The following ATP8B4 variants were observed in gnomAD, a reference collection of about 807,000 sequenced individuals.
ATP8B4 encodes ATPase phospholipid transporting 8B4 (putative), also known as probable phospholipid-transporting ATPase IM.
Under a neutral mutation model 145.6 loss-of-function variants are expected in ATP8B4, and 133 were observed. The ratio of observed to expected loss-of-function variants is 0.91; its 90% CI spans 0.79 to 1.05. ATP8B4 has a LOEUF of 1.05. ATP8B4 is among the 50% of genes least tolerant of loss of function. ATP8B4 has a pLI of 0.00. For synonymous variants in ATP8B4, 507 were observed against 492.9 expected (o/e 1.03, Z -0.38); for missense variants, 1,458 against 1,425.2 (o/e 1.02, Z -0.37).
intron 21 of ATP8B4, 54 bp downstream of exon 21, chr15:49,901,038 A>G: frequency 6.3e-7 from 1 of 1,578,270 alleles, no homozygotes; most frequent in Non-Finnish European, 8.7e-7. Flanking sequence ...AGCACAAAAG[A>G]GATGATTATT....
chr15:50,040,011 T>G (rs1163476029), intron 5 of ATP8B4, among the ~76,000 whole-genome samples: 1 of 152,174 alleles, frequency 6.6e-6, no homozygotes, highest in African/African-American at 2.4e-5. Context: ...TTCCTACGAG[T>G]AGAACAACAG....
intron 5 of ATP8B4, among the ~76,000 whole-genome samples, chr15:50,039,402 T>C (rs566541601): frequency 2.5e-4 from 37 of 149,086 alleles, no homozygotes; most frequent in African/African-American, 9.1e-4. Context: ...TATGTCCAAA[T>C]GGTTGTATTT....
At chr15:50,031,764 C>CATA (rs1281096862) in intron 6 of ATP8B4, among the ~76,000 whole-genome samples, 2 of 152,072 alleles carry the variant, frequency 1.3e-5, no homozygotes, top group East Asian at 3.9e-4. Context: ...ATCTCTTGAC[C>CATA]ATAGGTCTAC....
At chr15:50,116,632 G>C (rs1250673320) in intron 1 of ATP8B4, among the ~76,000 whole-genome samples, 1 of 152,188 alleles carries the variant, frequency 6.6e-6, no homozygotes, top group Admixed American at 6.5e-5. Context: ...GGAAAGGACA[G>C]AGGACGAGGA....
At chr15:50,082,059 C>A (rs2054591138) in intron 2 of ATP8B4, among the ~76,000 whole-genome samples, 1 of 152,184 alleles carries the variant, frequency 6.6e-6, no homozygotes, top group Non-Finnish European at 1.5e-5. Flanking sequence ...TCAGAAATCT[C>A]TGAAAAATTT....
chr15:50,011,579 A>G (rs1469150882), intron 6 of ATP8B4, among the ~76,000 whole-genome samples: 1 of 152,148 alleles, frequency 6.6e-6, no homozygotes, highest in African/African-American at 2.4e-5. Context: ...TGGAGCCCCA[A>G]GACCACCCTC....
At chr15:50,038,939 G>A in intron 5 of ATP8B4, 110 bp from the exon 6 acceptor site, 1 of 911,900 alleles carries the variant, frequency 1.1e-6, no homozygotes, top group South Asian at 1.5e-5. Context: ...GTTGTCACTG[G>A]TCTAAGATGA....
intron 25 of ATP8B4, among the ~76,000 whole-genome samples, chr15:49,867,335 C>T (rs1448387770): frequency 6.6e-6 from 1 of 152,204 alleles, no homozygotes; most frequent in African/African-American, 2.4e-5. Flanking sequence ...AAATAGATCC[C>T]TCTCAACATG....
At chr15:49,881,036 CG>C (rs1566921995) in intron 23 of ATP8B4, among the ~76,000 whole-genome samples, 1 of 152,082 alleles carries the variant, frequency 6.6e-6, no homozygotes, top group East Asian at 1.9e-4. Context: ...GGCATGAACC[CG>C]AGAGGCTGAG....
chr15:49,917,952 C>T (rs1207790376), intron 19 of ATP8B4, among the ~76,000 whole-genome samples: 1 of 152,154 alleles, frequency 6.6e-6, no homozygotes, highest in African/African-American at 2.4e-5. Flanking sequence ...CCGGAGTGCT[C>T]AACTTTCTAC....
chr15:50,108,178 CA>C (rs2056774050), intron 1 of ATP8B4, among the ~76,000 whole-genome samples: 1 of 152,012 alleles, frequency 6.6e-6, no homozygotes, highest in South Asian at 2.1e-4. Flanking sequence ...CAAGGCTGCC[CA>C]AGACCATCCC....
At chr15:49,892,136 A>G (rs1212760462) in intron 23 of ATP8B4, among the ~76,000 whole-genome samples, 10 of 152,042 alleles carry the variant, frequency 6.6e-5, no homozygotes, top group Admixed American at 6.6e-4. Flanking sequence ...AAAAATCTTA[A>G]AAGTCTATAG....
intron 22 of ATP8B4, 96 bp from the exon 23 acceptor site, chr15:49,897,611 C>A (rs2037549523): frequency 4.9e-6 from 5 of 1,029,340 alleles, no homozygotes; most frequent in African/African-American, 1.6e-5. Flanking sequence ...AAACTTACAG[C>A]CATTGCAATT....
chr15:49,961,429 G>C (rs552923191), intron 14 of ATP8B4, among the ~76,000 whole-genome samples: 1 of 152,086 alleles, frequency 6.6e-6, no homozygotes, highest in Non-Finnish European at 1.5e-5. Context: ...TTTTGATTTA[G>C]CAATTCTATT....
chr15:49,917,091 T>C (rs761786421), intron 19 of ATP8B4, 52 bp from the exon 20 acceptor site: 33 of 1,562,728 alleles, frequency 2.1e-5, no homozygotes, highest in Non-Finnish European at 2.7e-5. Context: ...ATAACCTAAG[T>C]CCATTTTTAA....
At chr15:50,051,395 A>G (rs894731036) in intron 3 of ATP8B4, among the ~76,000 whole-genome samples, 3 of 152,218 alleles carry the variant, frequency 2.0e-5, no homozygotes, top group African/African-American at 7.2e-5. Flanking sequence ...ACGGACTAAT[A>G]CAACATTTGT....
intron 1 of ATP8B4, among the ~76,000 whole-genome samples, chr15:50,118,583 T>C (rs1247387942): frequency 6.6e-6 from 1 of 152,188 alleles, no homozygotes; most frequent in East Asian, 1.9e-4. Flanking sequence ...ACCAGGGACC[T>C]GAGACACTCT....
chr15:50,076,947 T>G lies in ATP8B4; in HGVS notation c.29-2762A>C, dbSNP rs2054216501. On this transcript the variant is annotated intron_variant, in intron 2 of 27. Transcript: ENST00000284509. ...AGTGTATGAGGGGATATAAAGACCT[T>G]TTGGCAATAAATCACATCCTGGAAA... Among the ~76,000 whole-genome samples, 3 of 152,310 alleles carry G rather than the reference T, an allele frequency of 2.0e-5. No homozygotes were observed. In the South Asian group the frequency reaches 6.2e-4, roughly 32 times the overall value.
chr15:50,024,638 C>A (rs896356095), intron 6 of ATP8B4, among the ~76,000 whole-genome samples: 6 of 152,212 alleles, frequency 3.9e-5, no homozygotes, highest in Non-Finnish European at 7.3e-5. Flanking sequence ...CAAACCCCAG[C>A]AAGTCTATTT....
Sources: gnomAD v4.1 joint callset for allele counts (sites outside exome capture counted in the v4.1 genomes callset) on GRCh38, gnomAD v4.1.1 for gene constraint, MANE v1.5 for transcripts, NCBI Gene and HGNC (gene_info 2026-07-23, HGNC 2026-07-21) for gene names.